Variants in HSPA4L observed in about 807,000 individuals in gnomAD.
HSPA4L encodes heat shock 70 kDa protein 4L.
A neutral mutation model predicts 100.3 loss-of-function variants in HSPA4L; 48 were observed. The ratio of observed to expected loss-of-function variants is 0.48; its 90% CI spans 0.38 to 0.61. HSPA4L has a LOEUF of 0.61. Ranked by LOEUF, HSPA4L falls within the 20% of genes least tolerant of loss-of-function variation. The pLI, the probability that HSPA4L is intolerant of heterozygous loss-of-function variation, is 0.00. For missense variants in HSPA4L, 886 were observed against 988.6 expected (o/e 0.90, Z 1.39); for synonymous variants, 319 against 328.2 (o/e 0.97, Z 0.30).
chr4:127,807,998 A>G lies in HSPA4L; in HGVS notation c.1247A>G (p.Glu416Gly). The change falls in exon 11 of 19, where the codon GAA becomes GGA. Residue 416 changes from glutamate (E) to glycine (G), a missense_variant and splice_region_variant. Physicochemically the swap from Glu to Gly is moderately conservative, Grantham distance 98. Coordinates refer to ENST00000296464, the MANE Select transcript of HSPA4L (RefSeq NM_014278.4). ...WKTSFEDGSG[E>G]CEVFCKNHPA... ...TGAGTTCTTTCCCTCCATTTTAGGG[A>G]ATGTGAAGTTTTCTGTAAGAACCAT... 3.7e-6 allele frequency: 6 copies of G among 1,607,574 alleles called. No individual in the cohort carries two copies. Among genetic ancestry groups the G allele is most frequent in the Non-Finnish European group, 5.1e-6 (6 of 1,178,280 alleles).
Position 127,836,853 on chromosome 4 carries a change from A to G in HSPA4L, c.*3979A>G, listed in dbSNP as rs1437071051. ...TATTTGGTAGTCCACAATTAAAGTC[A>G]TTGCATTAATTTTACAAATTATAGA... On this transcript the variant is annotated 3_prime_UTR_variant, in exon 19 of 19. Transcript: ENST00000296464. 1.3e-5 allele frequency: 2 copies of G among 152,172 alleles called. No homozygotes were observed. Among genetic ancestry groups the G allele is most frequent in the Non-Finnish European group, 2.9e-5 (2 of 68,028 alleles). 9.4% of individuals were successfully genotyped at this position (152,172 alleles called of 1,614,324 possible). A position where few individuals can be genotyped will look rare whatever the true frequency, so the allele number is the denominator to read the frequency against.
At position 127,837,044 on chromosome 4, in the gene HSPA4L, G is replaced by C. The variant is rs768195536; in HGVS notation, c.*4170G>C. 1 of 152,070 alleles carries C rather than the reference G, an allele frequency of 6.6e-6. No homozygotes were observed. The highest frequency in any genetic ancestry group is 2.4e-5 in the African/African-American group (1 of 41,394). The allele number at this position is 152,070 out of a possible 1,614,324, so 9.4% of individuals were successfully genotyped here. A position where few individuals can be genotyped will look rare whatever the true frequency, so the allele number is the denominator to read the frequency against. On this transcript the variant is annotated 3_prime_UTR_variant, in exon 19 of 19. Coordinates refer to ENST00000296464, the MANE Select transcript of HSPA4L (RefSeq NM_014278.4). ...CAGCCTCCACCACCTGAGTTCAAGC[G>C]ATTTTTCTGCCTCAACCTCTCCTGA... is the stretch of plus-strand genomic sequence containing the variant.
In HSPA4L at chr4:127,833,454, G is replaced by A. The variant is rs192988023; in HGVS notation, c.*580G>A. On this transcript the variant is annotated 3_prime_UTR_variant, in exon 19 of 19. Transcript: ENST00000296464. ...TAAATGAATTAAATCACATGTGAAA[G>A]GGAACACACCCAATTTTATGTTAAG... 6.6e-6 allele frequency: 1 copy of A among 152,370 alleles called. No homozygotes were observed. Among genetic ancestry groups the A allele is most frequent in the Admixed American group, 6.5e-5 (1 of 15,308 alleles). The allele number at this position is 152,370 out of a possible 1,614,324, so 9.4% of individuals were successfully genotyped here. A position where few individuals can be genotyped will look rare whatever the true frequency, so the allele number is the denominator to read the frequency against.
At chr4:127,831,500 T>C (rs937407864) in intron 18 of HSPA4L, among the ~76,000 whole-genome samples, 3 of 113,260 alleles carry the variant, frequency 2.6e-5, no homozygotes, top group African/African-American at 1.1e-4. Flanking sequence ...ACCTTGTCTA[T>C]TAAAAAAAAA....
intron 1 of HSPA4L, among the ~76,000 whole-genome samples, chr4:127,785,150 T>C (rs1198131879): frequency 2.6e-5 from 4 of 152,240 alleles, no homozygotes; most frequent in African/African-American, 9.6e-5. Context: ...TAATTTAACC[T>C]ATTTAATTCA....
chr4:127,786,168 C>T (rs1379488060), intron 1 of HSPA4L, among the ~76,000 whole-genome samples: 2 of 88,876 alleles, frequency 2.3e-5, no homozygotes, highest in African/African-American at 1.0e-4. Flanking sequence ...TTTGATCATA[C>T]TAACTATCTT....
At chr4:127,803,607 T>C (rs1468702002) in intron 6 of HSPA4L, 22 bp from the exon 7 acceptor site, 3 of 1,541,964 alleles carry the variant, frequency 1.9e-6, no homozygotes, top group Non-Finnish European at 2.6e-6. Context: ...GAAAATACAG[T>C]TCTGCTTTTT....
In HSPA4L at chr4:127,801,856, A is replaced by C; in HGVS notation, c.601A>C (p.Ile201Leu). ...LDEKPRNVVF[I>L]DMGHSAYQVL... ...TGAGAAACCAAGAAATGTAGTATTTATTGATATGGGACATTCTGCCTATCA... is the reference window on the plus strand; with the variant it reads ...TGAGAAACCAAGAAATGTAGTATTTCTTGATATGGGACATTCTGCCTATCA... Residue 201 changes from isoleucine (I) to leucine (L), a missense_variant, in exon 6 of 19, where the codon ATT (isoleucine) becomes CTT (leucine). By Grantham distance (5) the Ile-to-Leu change is conservative. Coordinates refer to ENST00000296464, the MANE Select transcript of HSPA4L (RefSeq NM_014278.4). 6.2e-7 allele frequency: 1 copy of C among 1,609,656 alleles called. No individual in the cohort carries two copies. Among genetic ancestry groups the C allele is most frequent in the Non-Finnish European group, 8.5e-7 (1 of 1,176,966 alleles).
At chr4:127,784,216 A>G (rs935619448) in intron 1 of HSPA4L, among the ~76,000 whole-genome samples, 1 of 152,256 alleles carries the variant, frequency 6.6e-6, no homozygotes, top group African/African-American at 2.4e-5. Context: ...CTCTCAACCT[A>G]TAGAGAAAAA....
intron 1 of HSPA4L, chr4:127,783,760 C>T: frequency 7.9e-7 from 1 of 1,273,032 alleles, no homozygotes; most frequent in Non-Finnish European, 1.1e-6. Context: ...GGTCAGTGTC[C>T]AATGGTCTTT....
Position 127,834,062 on chromosome 4 carries a change from C to T in HSPA4L, c.*1188C>T, listed in dbSNP as rs1268704153. 3 of 152,184 alleles carry T rather than the reference C, an allele frequency of 2.0e-5. No individual in the cohort carries two copies. The highest frequency in any genetic ancestry group is 4.4e-5 in the Non-Finnish European group (3 of 68,006). The allele number at this position is 152,184 out of a possible 1,614,324, so 9.4% of individuals were successfully genotyped here. ...TATACAAATTAAATGCGAAAAGGGA[C>T]TGTAAACTTAAGATGTATTTTAAGG... On this transcript the variant is annotated 3_prime_UTR_variant, in exon 19 of 19. Coordinates refer to ENST00000296464, the MANE Select transcript of HSPA4L (RefSeq NM_014278.4).
intron 12 of HSPA4L, among the ~76,000 whole-genome samples, chr4:127,812,340 C>T (rs1392355484): frequency 1.4e-5 from 2 of 147,814 alleles, no homozygotes; most frequent in Non-Finnish European, 3.0e-5. Flanking sequence ...ACCCGGGAGG[C>T]GGAGTTTGCA....
At chr4:127,813,945 A>G (rs1733608334) in intron 12 of HSPA4L, among the ~76,000 whole-genome samples, 1 of 152,048 alleles carries the variant, frequency 6.6e-6, no homozygotes, top group African/African-American at 2.4e-5. Flanking sequence ...CGCCTGGCTC[A>G]TTTATCTTTT....
chr4:127,812,703 T>C, intron 12 of HSPA4L: 1 of 873,280 alleles, frequency 1.1e-6, no homozygotes. Context: ...CTTTATTTTT[T>C]TTTTTTTTTA....
Position 127,803,758 on chromosome 4 carries a change from C to T in HSPA4L, c.793C>T (p.Arg265Cys), listed in dbSNP as rs766430856. 14 of 1,613,672 alleles carry T rather than the reference C, an allele frequency of 8.7e-6. No homozygotes were observed. Among genetic ancestry groups the T allele is most frequent in the African/African-American group, 4.0e-5 (3 of 74,866 alleles). ...NVKENSRALL[R>C]LYQECEKLKK... Reference sequence around the variant, plus strand: ...GAAAGAAAACTCTCGGGCCTTGTTGCGTTTATATCAGGAATGTGAAAAACT... The same window carrying T: ...GAAAGAAAACTCTCGGGCCTTGTTGTGTTTATATCAGGAATGTGAAAAACT... The change falls in exon 7 of 19, where the codon CGT (arginine) becomes TGT (cysteine). Residue 265 changes from arginine (R) to cysteine (C), a missense_variant. Coordinates refer to ENST00000296464, the MANE Select transcript of HSPA4L (RefSeq NM_014278.4).
intron 1 of HSPA4L, among the ~76,000 whole-genome samples, chr4:127,785,689 G>A (rs1055257348): frequency 1.1e-4 from 16 of 151,964 alleles, no homozygotes; most frequent in Admixed American, 2.6e-4. Flanking sequence ...CACCCGCCTC[G>A]GCCTCCCAAA....
chr4:127,824,257 G>T (rs1222953604), intron 16 of HSPA4L, among the ~76,000 whole-genome samples: 1 of 152,138 alleles, frequency 6.6e-6, no homozygotes, highest in African/African-American at 2.4e-5. Flanking sequence ...TGGACACTTA[G>T]ATTGAGTCTC....
At chr4:127,818,208 TTAAC>T (rs1356865358) in intron 12 of HSPA4L, 113 bp from the exon 13 acceptor site, 8 of 575,374 alleles carry the variant, frequency 1.4e-5, no homozygotes, top group African/African-American at 1.3e-4. Flanking sequence ...GAGCTTCTAC[TTAAC>T]TGTTTCTACA....
At chr4:127,832,616 A>T in intron 18 of HSPA4L, 67 bp from the exon 19 acceptor site, 2 of 1,321,708 alleles carry the variant, frequency 1.5e-6, no homozygotes, top group Non-Finnish European at 2.1e-6. Context: ...TTAATGTGGA[A>T]TTTAGAAAGT....
Sources: allele counts gnomAD v4.1 joint callset (sites outside exome capture counted in the v4.1 genomes callset), GRCh38; gene constraint gnomAD v4.1.1; transcripts MANE v1.5; gene names NCBI Gene and HGNC (gene_info 2026-07-23, HGNC 2026-07-21).